The following SH3GL2 variants were observed in gnomAD, a reference collection of about 807,000 sequenced individuals.
The protein encoded by SH3GL2 is SH3 domain containing GRB2 like 2, endophilin A1.
SH3GL2 carries 24 observed loss-of-function variants against 46.0 expected under a neutral mutation model. The ratio of observed to expected loss-of-function variants is 0.52; its 90% confidence interval spans 0.38 to 0.73. The LOEUF (loss-of-function observed/expected upper bound fraction) is 0.73. SH3GL2 is among the 30% of genes least tolerant of loss of function. The pLI, the probability that SH3GL2 is intolerant of heterozygous loss-of-function variation, is 0.00. For missense variants in SH3GL2, 413 were observed against 424.2 expected (o/e 0.97, Z 0.23); for synonymous variants, 196 against 147.1 (o/e 1.33, Z -2.40).
chr9:17,672,050 A>G (rs940507456), intron 1 of SH3GL2, among the ~76,000 whole-genome samples: 1 of 152,216 alleles, frequency 6.6e-6, no homozygotes, highest in Non-Finnish European at 1.5e-5. Context: ...AGTGTGTTAC[A>G]TGAAACTAAA....
chr9:17,615,078 CTT>C (rs1206027917), intron 1 of SH3GL2, among the ~76,000 whole-genome samples: 3 of 152,152 alleles, frequency 2.0e-5, no homozygotes, highest in Non-Finnish European at 4.4e-5. Context: ...GCTGTGGACA[CTT>C]GGGCTGTGTG....
intron 1 of SH3GL2, among the ~76,000 whole-genome samples, chr9:17,721,350 A>G (rs549399092): frequency 6.6e-6 from 1 of 152,254 alleles, no homozygotes; most frequent in South Asian, 2.1e-4. Context: ...AACAATCTAT[A>G]TTCTCTCACC....
chr9:17,579,493 G>A (rs1405744923), intron 1 of SH3GL2, among the ~76,000 whole-genome samples: 1 of 151,970 alleles, frequency 6.6e-6, no homozygotes, highest in Non-Finnish European at 1.5e-5. Flanking sequence ...CCGGCTTGGT[G>A]CGCGCTGCCT....
chr9:17,727,611 A>T (rs1300691162), intron 1 of SH3GL2, among the ~76,000 whole-genome samples: 3 of 152,160 alleles, frequency 2.0e-5, no homozygotes, highest in African/African-American at 7.2e-5. Context: ...TCCTGGGGGC[A>T]GCCTGAAACA....
At chr9:17,669,020 A>G (rs564588590) in intron 1 of SH3GL2, among the ~76,000 whole-genome samples, 48 of 152,186 alleles carry the variant, frequency 3.2e-4, no homozygotes, top group Non-Finnish European at 6.3e-4. Context: ...AGCATATACT[A>G]AATTTGCATA....
intron 1 of SH3GL2, among the ~76,000 whole-genome samples, chr9:17,743,849 A>C (rs1822603309): frequency 6.6e-6 from 1 of 152,196 alleles, no homozygotes; most frequent in Non-Finnish European, 1.5e-5. Flanking sequence ...TATTCACTAG[A>C]GTTGGTCAAA....
chr9:17,764,709 C>G (rs1308199311), intron 3 of SH3GL2, among the ~76,000 whole-genome samples: 15 of 89,870 alleles, frequency 1.7e-4, no homozygotes, highest in African/African-American at 5.7e-4. Context: ...GGTACATGGA[C>G]AGGCCAGGGG....
chr9:17,760,941 C>T (rs1208658937), intron 2 of SH3GL2, among the ~76,000 whole-genome samples: 1 of 152,150 alleles, frequency 6.6e-6, no homozygotes, highest in Non-Finnish European at 1.5e-5. Context: ...TTTTGTTTAG[C>T]ATTAACCAAA....
intron 1 of SH3GL2, among the ~76,000 whole-genome samples, chr9:17,682,329 A>C (rs1820793270): frequency 6.6e-6 from 1 of 152,210 alleles, no homozygotes; most frequent in Non-Finnish European, 1.5e-5. Context: ...TCAGTGGTAG[A>C]CTGGATAAAG....
chr9:17,730,053 A>G (rs1008268361), intron 1 of SH3GL2, among the ~76,000 whole-genome samples: 1 of 152,094 alleles, frequency 6.6e-6, no homozygotes, highest in Non-Finnish European at 1.5e-5. Flanking sequence ...ACTTTGGGCA[A>G]TATGGCCGTT....
At chr9:17,694,473 G>A (rs751847427) in intron 1 of SH3GL2, among the ~76,000 whole-genome samples, 17 of 152,060 alleles carry the variant, frequency 1.1e-4, no homozygotes, top group African/African-American at 1.7e-4. Flanking sequence ...TACCCAGATC[G>A]CTGGATTTGC....
At chr9:17,653,432 A>C (rs549037864) in intron 1 of SH3GL2, among the ~76,000 whole-genome samples, 1 of 152,248 alleles carries the variant, frequency 6.6e-6, no homozygotes, top group East Asian at 1.9e-4. Context: ...TTTACCTTTA[A>C]GATGCCATCT....
chr9:17,784,592 C>T (rs943029072), intron 3 of SH3GL2, among the ~76,000 whole-genome samples: 1 of 152,182 alleles, frequency 6.6e-6, no homozygotes, highest in Non-Finnish European at 1.5e-5. Flanking sequence ...CTTGTTGCCA[C>T]TGTTTATCTT....
chr9:17,685,933 T>C (rs1820895916), intron 1 of SH3GL2, among the ~76,000 whole-genome samples: 1 of 150,428 alleles, frequency 6.6e-6, no homozygotes, highest in African/African-American at 2.5e-5. Flanking sequence ...AAAGACAAAA[T>C]TGACAAATGG....
At chr9:17,630,907 C>G (rs1408671146) in intron 1 of SH3GL2, among the ~76,000 whole-genome samples, 1 of 152,088 alleles carries the variant, frequency 6.6e-6, no homozygotes, top group African/African-American at 2.4e-5. Context: ...GCCCTTTTCT[C>G]CTACAATGAC....
At chr9:17,766,448 G>T (rs150826821) in intron 3 of SH3GL2, among the ~76,000 whole-genome samples, 1 of 152,334 alleles carries the variant, frequency 6.6e-6, no homozygotes, top group Admixed American at 6.5e-5. Context: ...CACTGAAGAA[G>T]ATATAACTCA....
chr9:17,653,959 T>C (rs1250490361), intron 1 of SH3GL2: 1 of 505,328 alleles, frequency 2.0e-6, no homozygotes, highest in African/African-American at 2.1e-5. Flanking sequence ...GATCTTCTTT[T>C]AAACTCTGGG....
intron 3 of SH3GL2, among the ~76,000 whole-genome samples, chr9:17,772,828 A>G (rs9407857): frequency 0.1 from 15,386 of 152,072 alleles, 865 homozygotes; most frequent in Non-Finnish European, 0.11. Flanking sequence ...TCACTCTGAA[A>G]CTCTGCTTTC....
At chr9:17,628,416 GTGTGTGT>G (rs1563788952) in intron 1 of SH3GL2, among the ~76,000 whole-genome samples, 9 of 27,258 alleles carry the variant, frequency 3.3e-4, no homozygotes, top group African/African-American at 5.8e-4. Flanking sequence ...TCTTGGGTGT[GTGTGTGT>G]GTGTGTGTGT....
Sources: gnomAD v4.1 joint callset for allele counts (sites outside exome capture counted in the v4.1 genomes callset) on GRCh38, gnomAD v4.1.1 for gene constraint, MANE v1.5 for transcripts, NCBI Gene and HGNC (gene_info 2026-07-23, HGNC 2026-07-21) for gene names.